EMC3: variants seen among roughly 807,000 people sequenced by gnomAD.
EMC3 encodes the protein ER membrane protein complex subunit 3.
Under a neutral mutation model 36.6 loss-of-function variants are expected in EMC3, and 13 were observed. The ratio of observed to expected loss-of-function variants is 0.35; its 90% confidence interval spans 0.23 to 0.56. The LOEUF is 0.56. Among genes scored for constraint, EMC3 ranks in the 20% least tolerant of loss-of-function variants. The pLI is 0.84. For synonymous variants in EMC3, 120 were observed against 111.9 expected, an observed-to-expected ratio of 1.07 and a Z score of -0.46; for missense variants, 220 against 324.5, an observed-to-expected ratio of 0.68 and a Z score of 2.47.
chr3:10,002,063 A>G (rs1451366974), intron 1 of EMC3, among the ~76,000 whole-genome samples: 1 of 143,478 alleles, frequency 7.0e-6, no homozygotes, highest in Non-Finnish European at 1.5e-5. Flanking sequence ...CTCTTTTTCA[A>G]GGTTTTGGCA....
At chr3:9,992,166 G>GA (rs1340703037) in intron 1 of EMC3, among the ~76,000 whole-genome samples, 9 of 152,094 alleles carry the variant, frequency 5.9e-5, no homozygotes, top group African/African-American at 2.2e-4. Context: ...TGTCACCCAG[G>GA]CTGGAGTGCA....
chr3:9,972,719 C>T (rs1189487431), intron 5 of EMC3, among the ~76,000 whole-genome samples: 5 of 150,860 alleles, frequency 3.3e-5, no homozygotes, highest in South Asian at 2.1e-4. Context: ...GCAGTGATAT[C>T]GCACCGCTGC....
chr3:9,991,124 G>A (rs1310948737), upstream of EMC3, among the ~76,000 whole-genome samples: 6 of 151,958 alleles, frequency 3.9e-5, no homozygotes, highest in Admixed American at 6.6e-5. Flanking sequence ...CACCGCGCCC[G>A]GCCATTCTTT....
chr3:9,975,692 A>G (rs1345942709), intron 3 of EMC3, among the ~76,000 whole-genome samples: 2 of 151,796 alleles, frequency 1.3e-5, no homozygotes, highest in Non-Finnish European at 2.9e-5. Context: ...GGTGCCTGTA[A>G]TCTCAGCTAC....
chr3:9,999,493 C>T (rs1190430974), intron 1 of EMC3, among the ~76,000 whole-genome samples: 1 of 152,158 alleles, frequency 6.6e-6, no homozygotes, highest in East Asian at 1.9e-4. Context: ...CCTACCTCAG[C>T]CTCCCAAAGT....
At chr3:9,973,193 T>G (rs2085806211) in intron 5 of EMC3, among the ~76,000 whole-genome samples, 2 of 148,514 alleles carry the variant, frequency 1.3e-5, no homozygotes, top group South Asian at 4.3e-4. Context: ...TCGTTTTTTG[T>G]TTGTTTGTTT....
intron 1 of EMC3, chr3:10,007,246 G>T: frequency 1.7e-6 from 2 of 1,150,804 alleles, no homozygotes; most frequent in Non-Finnish European, 2.3e-6. Context: ...GCAGGGTAGA[G>T]TCCCACACAT....
At chr3:9,965,715 A>T (rs1339356264) in intron 7 of EMC3, among the ~76,000 whole-genome samples, 1 of 152,142 alleles carries the variant, frequency 6.6e-6, no homozygotes, top group Non-Finnish European at 1.5e-5. Flanking sequence ...TATCTTCCGT[A>T]TCTTTTTTTC....
chr3:10,008,327 T>A, intron 1 of EMC3: 1 of 1,181,664 alleles, frequency 8.5e-7, no homozygotes, highest in African/African-American at 1.6e-5. Flanking sequence ...CTGGGCTGGG[T>A]CAAGGGACTA....
chr3:9,976,468 G>A (rs1202424219), intron 3 of EMC3, among the ~76,000 whole-genome samples: 2 of 152,200 alleles, frequency 1.3e-5, no homozygotes, highest in Non-Finnish European at 2.9e-5. Flanking sequence ...AGTAGAAAAT[G>A]TTAGAGCCAA....
intron 1 of EMC3, chr3:10,008,478 C>T (rs781141107): frequency 3.7e-6 from 5 of 1,367,584 alleles, no homozygotes; most frequent in Non-Finnish European, 4.9e-6. Context: ...ATATGGCAGA[C>T]ATTCTTCTCC....
At chr3:10,007,330 TCTGC>T in intron 1 of EMC3, 1 of 1,321,348 alleles carries the variant, frequency 7.6e-7, no homozygotes. Context: ...TCAGGTCCCG[TCTGC>T]CTGTGTCAAT....
At chr3:9,993,562 C>T (rs2086082161) in intron 1 of EMC3, among the ~76,000 whole-genome samples, 1 of 151,972 alleles carries the variant, frequency 6.6e-6, no homozygotes, top group Non-Finnish European at 1.5e-5. Flanking sequence ...TTATTTCTGC[C>T]AGTTATATGT....
chr3:10,004,012 A>G (rs997439117), intron 1 of EMC3: 3 of 152,202 alleles, frequency 2.0e-5, no homozygotes, highest in African/African-American at 7.2e-5. Context: ...TAACCCCTAC[A>G]TGGCCCTGGA....
rs1285534512 is a variant in EMC3, at chr3:9,970,646, G to A, written c.510C>T (p.Ser170=). 6.2e-7 allele frequency: 1 copy of A among 1,614,010 alleles called. No individual in the cohort carries two copies. The highest frequency in any genetic ancestry group is 8.5e-7 in the Non-Finnish European group (1 of 1,180,034). The change falls in exon 6 of 8, where the codon TCC becomes TCT. Residue 170 remains serine, a synonymous_variant. Transcript: ENST00000245046. ...TLDASWVSSA[S]WYFLNVFGLR... ...GCCCAAATACATTGAGGAAGTACCA[G>A]GATGCAGAACTCACCCTGGCAAAGC...
chr3:9,972,598 C>T (rs2085798547), intron 5 of EMC3, among the ~76,000 whole-genome samples: 1 of 151,670 alleles, frequency 6.6e-6, no homozygotes, highest in Non-Finnish European at 1.5e-5. Flanking sequence ...TGGTGAAACC[C>T]TGTCTCCATG....
At chr3:9,986,862 A>T, upstream of EMC3, 2 of 1,375,278 alleles carry the variant, frequency 1.5e-6, no homozygotes, top group Non-Finnish European at 9.4e-7. Context: ...CGTTGACGTC[A>T]CGTCGTGGCG....
chr3:9,978,090 C>T (rs889722904), intron 1 of EMC3: 2 of 132,724 alleles, frequency 1.5e-5, no homozygotes, highest in South Asian at 2.4e-4. Flanking sequence ...GCAGGTGGAT[C>T]ACTTAAGCCC....
chr3:9,985,668 G>A lies in EMC3; in HGVS notation c.155+839C>T, dbSNP rs139651356. On this transcript the variant is annotated intron_variant, in intron 1 of 7. Coordinates refer to ENST00000245046, the MANE Select transcript of EMC3 (RefSeq NM_001394674.1). The stretch of plus-strand genomic sequence containing the variant: ...CCCAGCACTTTGGGAGGCCAAGGCA[G>A]GTGGATCACCTGAGGTCGAGTTCGA... 3.5e-3 allele frequency among the ~76,000 whole-genome samples: 538 copies of A among 152,250 alleles called. 12 individuals are homozygous for A. The South Asian group carries it at 0.047, about 13-fold the overall frequency.
Sources: allele counts gnomAD v4.1 joint callset (sites outside exome capture counted in the v4.1 genomes callset), GRCh38; gene constraint gnomAD v4.1.1; transcripts MANE v1.5; gene names NCBI Gene and HGNC (gene_info 2026-07-23, HGNC 2026-07-21).